Variants in CNTN4 observed in about 807,000 individuals in gnomAD.
CNTN4 encodes the protein contactin-4.
A neutral mutation model predicts 122.5 loss-of-function variants in CNTN4; 77 were observed. The observed-to-expected ratio is 0.63, with a 90% CI of 0.52 to 0.76. The LOEUF is 0.76. Among genes scored for constraint, CNTN4 ranks in the 30% least tolerant of loss-of-function variants. CNTN4 has a pLI of 0.00. For synonymous variants in CNTN4, 512 were observed against 447.0 expected (o/e 1.15, Z -1.83); for missense variants, 1,256 against 1,259.1 (o/e 1.00, Z 0.04).
intron 2 of CNTN4, among the ~76,000 whole-genome samples, chr3:2,328,499 A>G (rs2043571252): frequency 6.6e-6 from 1 of 152,168 alleles, no homozygotes; most frequent in Admixed American, 6.5e-5. Flanking sequence ...CGTTAAATTA[A>G]TTGTATGCAT....
intron 3 of CNTN4, among the ~76,000 whole-genome samples, chr3:2,431,209 A>T (rs978410229): frequency 6.6e-6 from 1 of 152,234 alleles, no homozygotes; most frequent in Admixed American, 6.5e-5. Context: ...CCGCACCTGT[A>T]CTAGAATATT....
chr3:2,611,961 G>A (rs931632165), intron 4 of CNTN4, among the ~76,000 whole-genome samples: 35 of 152,066 alleles, frequency 2.3e-4, no homozygotes, highest in African/African-American at 8.0e-4. Context: ...GGATATGTAG[G>A]AGATGGAGCT....
chr3:2,846,953 A>G lies in CNTN4; in HGVS notation c.455-19799A>G, dbSNP rs2093467004. ...TGGAGGCTGCAGCCGAGATCGCACC[A>G]CTGTACTCCAGCCTGGGGAACAAGA... On this transcript the variant is annotated intron_variant, in intron 7 of 24. Coordinates refer to ENST00000418658, the MANE Select transcript of CNTN4 (RefSeq NM_175607.3). Among the ~76,000 whole-genome samples the G allele has an allele frequency of 2.0e-5, 3 of 152,162 alleles. 1 individual carries two copies. The highest frequency in any genetic ancestry group is 2.0e-4 in the Admixed American group (3 of 15,262).
chr3:2,917,887 C>G (rs796096639), intron 12 of CNTN4, among the ~76,000 whole-genome samples: 57 of 146,370 alleles, frequency 3.9e-4, no homozygotes, highest in African/African-American at 1.4e-3. Flanking sequence ...CCAACAAAAC[C>G]TCTATCAGTC....
intron 2 of CNTN4, among the ~76,000 whole-genome samples, chr3:2,290,192 A>G (rs2042081131): frequency 6.6e-6 from 1 of 152,176 alleles, no homozygotes. Context: ...TGATCCCAGA[A>G]ACAGGGGCAA....
intron 12 of CNTN4, among the ~76,000 whole-genome samples, chr3:2,910,893 A>G (rs2094292399): frequency 6.6e-6 from 1 of 152,202 alleles, no homozygotes; most frequent in Non-Finnish European, 1.5e-5. Context: ...ATTGAAAGAA[A>G]TAAAACCAGT....
At chr3:2,979,698 T>C (rs1007673845) in intron 13 of CNTN4, among the ~76,000 whole-genome samples, 2 of 151,766 alleles carry the variant, frequency 1.3e-5, no homozygotes, top group Non-Finnish European at 2.9e-5. Flanking sequence ...AAATTTAACA[T>C]AACAGTTTGT....
intron 5 of CNTN4, among the ~76,000 whole-genome samples, chr3:2,742,375 C>G (rs1334555694): frequency 6.6e-6 from 1 of 152,214 alleles, no homozygotes; most frequent in Non-Finnish European, 1.5e-5. Context: ...GGACATATGA[C>G]ATTACTTAAT....
chr3:2,799,621 C>A (rs2092296776), intron 6 of CNTN4, among the ~76,000 whole-genome samples: 1 of 152,104 alleles, frequency 6.6e-6, no homozygotes, highest in African/African-American at 2.4e-5. Context: ...TGCCACCATG[C>A]CCGGCTAATT....
intron 3 of CNTN4, among the ~76,000 whole-genome samples, chr3:2,375,145 C>T (rs893974471): frequency 1.3e-5 from 2 of 152,186 alleles, no homozygotes; most frequent in African/African-American, 4.8e-5. Flanking sequence ...TGACAGTAGA[C>T]AGTCTCTAGT....
At chr3:2,937,002 T>C (rs372587400) in intron 13 of CNTN4, among the ~76,000 whole-genome samples, 6 of 152,226 alleles carry the variant, frequency 3.9e-5, no homozygotes, top group African/African-American at 1.4e-4. Flanking sequence ...GCCTGAAATA[T>C]TTACTCTCTG....
chr3:2,285,080 G>T (rs142672874), intron 2 of CNTN4, among the ~76,000 whole-genome samples: 92 of 151,940 alleles, frequency 6.1e-4, no homozygotes, highest in Admixed American at 9.9e-4. Context: ...AATGAGGACT[G>T]CTCAGTCTGC....
chr3:2,835,054 G>A (rs62234214), intron 7 of CNTN4, among the ~76,000 whole-genome samples: 3,640 of 151,662 alleles, frequency 0.024, 59 homozygotes, highest in Non-Finnish European at 0.04. Flanking sequence ...ACAGGCGCCC[G>A]CCACCACGCC....
chr3:2,882,434 G>A (rs1258107201), intron 8 of CNTN4, among the ~76,000 whole-genome samples: 1 of 152,078 alleles, frequency 6.6e-6, no homozygotes, highest in African/African-American at 2.4e-5. Context: ...CATGGACTTA[G>A]TTTGTTAGAC....
chr3:2,314,339 G>A (rs544834508), intron 2 of CNTN4, among the ~76,000 whole-genome samples: 74 of 151,888 alleles, frequency 4.9e-4, no homozygotes, highest in African/African-American at 1.8e-3. Flanking sequence ...AGGGAGTTTC[G>A]AAAATAACTA....
intron 2 of CNTN4, among the ~76,000 whole-genome samples, chr3:2,274,252 G>A (rs1005770707): frequency 2.0e-5 from 3 of 152,250 alleles, no homozygotes; most frequent in Admixed American, 1.3e-4. Context: ...GTGTGGTGGT[G>A]GGTGCGTGTA....
At chr3:2,711,812 C>T (rs183007042) in intron 4 of CNTN4, among the ~76,000 whole-genome samples, 2 of 152,136 alleles carry the variant, frequency 1.3e-5, no homozygotes, top group Non-Finnish European at 2.9e-5. Context: ...CCAGTTCATT[C>T]TATAATAAAG....
At chr3:2,267,079 T>C (rs971829797) in intron 2 of CNTN4, among the ~76,000 whole-genome samples, 5 of 152,078 alleles carry the variant, frequency 3.3e-5, no homozygotes, top group African/African-American at 1.2e-4. Flanking sequence ...TTCAAATATG[T>C]AAAGAACTTC....
chr3:2,493,537 A>T (rs2076373094), intron 3 of CNTN4, among the ~76,000 whole-genome samples: 1 of 150,812 alleles, frequency 6.6e-6, no homozygotes, highest in Admixed American at 6.7e-5. Flanking sequence ...TTTTTAGAAT[A>T]TTCTTCCAGT....
Sources: gnomAD v4.1 joint callset for allele counts (sites outside exome capture counted in the v4.1 genomes callset) on GRCh38, gnomAD v4.1.1 for gene constraint, MANE v1.5 for transcripts, NCBI Gene and HGNC (gene_info 2026-07-23, HGNC 2026-07-21) for gene names.